Variants in TSGA10 observed in about 807,000 individuals in gnomAD.
TSGA10 encodes testis-specific gene 10 protein.
TSGA10 carries 43 observed loss-of-function variants against 96.6 expected under a neutral mutation model. That is an observed-to-expected ratio of 0.44 (90% CI 0.35 to 0.57). The LOEUF (loss-of-function observed/expected upper bound fraction) is 0.57, where lower values mean the gene tolerates loss of function less well. Ranked by LOEUF, TSGA10 falls within the 20% of genes least tolerant of loss-of-function variation. The probability of loss-of-function intolerance (pLI) is 0.01; values close to 1 mark genes in which losing one functional copy is unlikely to be tolerated. For missense variants in TSGA10, 703 were observed against 834.4 expected (o/e 0.84, Z 1.94); for synonymous variants, 229 against 269.9 (o/e 0.85, Z 1.48).
At chr2:99,007,031 C>G (rs2104837569) in intron 20 of TSGA10, among the ~76,000 whole-genome samples, 1 of 152,102 alleles carries the variant, frequency 6.6e-6, no homozygotes, top group Non-Finnish European at 1.5e-5. Flanking sequence ...TCTGAGCAAA[C>G]TATCACAATG....
At chr2:99,025,127 C>A (rs1482080989) in intron 17 of TSGA10, among the ~76,000 whole-genome samples, 1 of 152,104 alleles carries the variant, frequency 6.6e-6, no homozygotes, top group East Asian at 1.9e-4. Flanking sequence ...TGGCTTTGGC[C>A]TCAGGGCAAT....
At chr2:99,101,244 C>CAAAAAA (rs869263270) in intron 10 of TSGA10, among the ~76,000 whole-genome samples, 1 of 24,364 alleles carries the variant, frequency 4.1e-5, no homozygotes, top group Non-Finnish European at 6.6e-5. Context: ...GACTCTGTCT[C>CAAAAAA]AAAAAAAAAA....
chr2:99,063,227 T>C (rs1408287694), intron 16 of TSGA10, among the ~76,000 whole-genome samples: 1 of 152,182 alleles, frequency 6.6e-6, no homozygotes, highest in Non-Finnish European at 1.5e-5. Context: ...AAGTCCTAAA[T>C]GTAAATGGCA....
At chr2:98,999,736 T>C (rs986167179) in intron 20 of TSGA10, among the ~76,000 whole-genome samples, 2 of 152,214 alleles carry the variant, frequency 1.3e-5, no homozygotes, top group African/African-American at 4.8e-5. Context: ...TTAACTCATC[T>C]ATTTTATTTA....
chr2:99,051,476 G>A (rs2083388309), intron 16 of TSGA10, among the ~76,000 whole-genome samples: 1 of 151,990 alleles, frequency 6.6e-6, no homozygotes, highest in African/African-American at 2.4e-5. Context: ...AAAGCACTAA[G>A]TAAATGAACC....
chr2:99,048,561 A>G (rs1002919961), intron 16 of TSGA10, among the ~76,000 whole-genome samples: 9 of 152,148 alleles, frequency 5.9e-5, no homozygotes, highest in African/African-American at 1.7e-4. Flanking sequence ...CCTTCCTTAC[A>G]CCTTATACAA....
chr2:99,068,431 G>A (rs531009821), intron 15 of TSGA10, among the ~76,000 whole-genome samples: 3 of 152,272 alleles, frequency 2.0e-5, no homozygotes, highest in Non-Finnish European at 2.9e-5. Flanking sequence ...CTGATGTCAT[G>A]TACATGTGCC....
rs368970800 is a variant in TSGA10, at chr2:99,105,721, G to T, written c.211-24C>A. Reference sequence around the variant, plus strand: ...GCCTATTATTTAAATCATAGACTTTGGTTGAACAAGCTTTAGAACACATAA... The same window carrying T: ...GCCTATTATTTAAATCATAGACTTTTGTTGAACAAGCTTTAGAACACATAA... On this transcript the variant is annotated intron_variant, in intron 7 of 20. Coordinates refer to ENST00000393483, the MANE Select transcript of TSGA10 (RefSeq NM_025244.4). 7.0e-6 allele frequency: 11 copies of T among 1,571,392 alleles called. No homozygotes were observed. In the African/African-American group the frequency reaches 1.2e-4, roughly 17 times the overall value.
intron 20 of TSGA10, among the ~76,000 whole-genome samples, chr2:99,006,523 A>C (rs1185660324): frequency 1.3e-5 from 2 of 152,262 alleles, no homozygotes; most frequent in Admixed American, 1.3e-4. Flanking sequence ...ACATTTATGC[A>C]GCCAAAAGAC....
chr2:99,109,240 C>A, intron 6 of TSGA10, 149 bp downstream of exon 6: 2 of 822,824 alleles, frequency 2.4e-6, no homozygotes, highest in Non-Finnish European at 1.9e-6. Context: ...GTCTACTGTG[C>A]CATCAAAGAG....
intron 20 of TSGA10, among the ~76,000 whole-genome samples, chr2:99,012,473 G>C (rs1234566107): frequency 6.6e-6 from 1 of 152,084 alleles, no homozygotes; most frequent in Non-Finnish European, 1.5e-5. Flanking sequence ...ATAAACTTAA[G>C]GTTAAAGGGT....
At chr2:99,127,280 T>G (rs2092877731) in intron 1 of TSGA10, 104 bp from the exon 2 acceptor site, 2 of 965,076 alleles carry the variant, frequency 2.1e-6, no homozygotes, top group African/African-American at 3.5e-5. Flanking sequence ...CTTAGATTTT[T>G]TTTAACCATT....
chr2:99,130,098 CAT>C (rs1263588917), intron 1 of TSGA10, among the ~76,000 whole-genome samples: 1 of 152,164 alleles, frequency 6.6e-6, no homozygotes, highest in African/African-American at 2.4e-5. Context: ...AATAAACATA[CAT>C]GTGAATATGT....
At chr2:99,150,409 A>G (rs2105154681) in intron 1 of TSGA10, 1 of 843,244 alleles carries the variant, frequency 1.2e-6, no homozygotes, top group East Asian at 2.5e-5. Context: ...ACAGCTTTTC[A>G]TTCAAACAAA....
At chr2:99,067,710 G>A (rs145583718) in intron 15 of TSGA10, among the ~76,000 whole-genome samples, 55 of 151,916 alleles carry the variant, frequency 3.6e-4, no homozygotes, top group African/African-American at 1.1e-3. Context: ...AAAATTAGCC[G>A]GGCATGGTTG....
chr2:99,058,303 CA>C (rs914102268), intron 16 of TSGA10, among the ~76,000 whole-genome samples: 3 of 152,008 alleles, frequency 2.0e-5, no homozygotes, highest in South Asian at 2.1e-4. Context: ...AAAGCTGTTA[CA>C]AAAAATAGCA....
At chr2:99,066,844 C>G (rs1379085361) in intron 15 of TSGA10, among the ~76,000 whole-genome samples, 3 of 152,102 alleles carry the variant, frequency 2.0e-5, no homozygotes, top group Non-Finnish European at 4.4e-5. Context: ...TCTGGCCACC[C>G]ACAAGTCTCA....
chr2:99,109,342 T>G (rs1331572164), intron 6 of TSGA10, 47 bp downstream of exon 6: 1 of 1,572,090 alleles, frequency 6.4e-7, no homozygotes, highest in South Asian at 1.1e-5. Flanking sequence ...TAAAAGCCAG[T>G]GTCTGGGCAA....
At chr2:99,145,162 T>C (rs2093619519) in intron 1 of TSGA10, among the ~76,000 whole-genome samples, 1 of 152,192 alleles carries the variant, frequency 6.6e-6, no homozygotes, top group Admixed American at 6.5e-5. Context: ...CCATGTTCCT[T>C]GGCTTGTGAT....
Sources: allele counts gnomAD v4.1 joint callset (sites outside exome capture counted in the v4.1 genomes callset), GRCh38; gene constraint gnomAD v4.1.1; transcripts MANE v1.5; gene names NCBI Gene and HGNC (gene_info 2026-07-23, HGNC 2026-07-21).